The following PRSS12 variants were observed in gnomAD, a reference collection of about 807,000 sequenced individuals.
The protein encoded by PRSS12 is neurotrypsin.
Under a neutral mutation model 104.4 loss-of-function variants are expected in PRSS12, and 85 were observed. That is an observed-to-expected ratio of 0.81 (90% CI 0.68 to 0.98). The LOEUF (loss-of-function observed/expected upper bound fraction) is 0.98, where lower values mean the gene tolerates loss of function less well. Among genes scored for constraint, PRSS12 ranks in the 50% least tolerant of loss-of-function variants. The pLI, the probability that PRSS12 is intolerant of heterozygous loss-of-function variation, is 0.00. For synonymous variants in PRSS12, 454 were observed against 425.2 expected (o/e 1.07, Z -0.83); for missense variants, 1,141 against 1,139.2 (o/e 1.00, Z -0.02).
intron 3 of PRSS12, 90 bp from the exon 4 acceptor site, chr4:118,331,956 A>C: frequency 2.0e-6 from 3 of 1,474,894 alleles, no homozygotes; most frequent in Non-Finnish European, 2.8e-6. Context: ...TGCCATTCTC[A>C]ATAATTAAAT....
At chr4:118,317,094 A>G (rs1723462814) in intron 5 of PRSS12, among the ~76,000 whole-genome samples, 1 of 151,940 alleles carries the variant, frequency 6.6e-6, no homozygotes, top group African/African-American at 2.4e-5. Flanking sequence ...TGACAGAAAA[A>G]AACTATTCTG....
At position 118,338,334 on chromosome 4, in the gene PRSS12, C is replaced by T; in HGVS notation, c.503-20G>A. 6.2e-7 allele frequency: 1 copy of T among 1,613,684 alleles called. No individual in the cohort carries two copies. Among genetic ancestry groups the T allele is most frequent in the Non-Finnish European group, 8.5e-7 (1 of 1,179,730 alleles). Reference sequence around the variant, plus strand: ...CTGATCCTAAAGTGGAAAAGAATCCCAAAACCCTTTAATAGTAAATAATCA... The same window carrying T: ...CTGATCCTAAAGTGGAAAAGAATCCTAAAACCCTTTAATAGTAAATAATCA... On this transcript the variant is annotated intron_variant, in intron 1 of 12. Coordinates refer to ENST00000296498, the MANE Select transcript of PRSS12 (RefSeq NM_003619.4).
At chr4:118,329,398 A>G (rs1221938583) in intron 4 of PRSS12, among the ~76,000 whole-genome samples, 1 of 152,220 alleles carries the variant, frequency 6.6e-6, no homozygotes, top group East Asian at 1.9e-4. Context: ...TGCTATTACT[A>G]TACCCTAAAA....
chr4:118,322,717 T>A (rs1431791126), intron 4 of PRSS12, among the ~76,000 whole-genome samples: 2 of 151,936 alleles, frequency 1.3e-5, no homozygotes, highest in Non-Finnish European at 2.9e-5. Context: ...CTAATATTGG[T>A]TGAAAGAAGA....
chr4:118,300,626 G>A (rs910501825), intron 8 of PRSS12, among the ~76,000 whole-genome samples: 9 of 151,952 alleles, frequency 5.9e-5, no homozygotes, highest in African/African-American at 1.9e-4. Flanking sequence ...TTAATAAAGT[G>A]GACATAGAGG....
intron 9 of PRSS12, among the ~76,000 whole-genome samples, chr4:118,297,626 G>A (rs540725572): frequency 2.2e-4 from 34 of 152,066 alleles, no homozygotes; most frequent in African/African-American, 7.7e-4. Flanking sequence ...TCATATTAAC[G>A]ACATCCAATT....
At chr4:118,341,823 G>A (rs1010719938) in intron 1 of PRSS12, among the ~76,000 whole-genome samples, 2 of 152,162 alleles carry the variant, frequency 1.3e-5, no homozygotes, top group African/African-American at 2.4e-5. Flanking sequence ...CCTGGTTACT[G>A]ACCTTCTACC....
intron 4 of PRSS12, among the ~76,000 whole-genome samples, chr4:118,322,916 GA>G (rs944901049): frequency 6.7e-6 from 1 of 150,072 alleles, no homozygotes; most frequent in African/African-American, 2.4e-5. Context: ...TAAACGCCAG[GA>G]AAAAAAAATC....
rs139654870 is a variant in PRSS12 at position 118,351,692 on chromosome 4, C to T, written c.502+527G>A. Among the ~76,000 whole-genome samples the T allele has an allele frequency of 2.6e-5, 4 of 152,170 alleles. No individual in the cohort carries two copies. The East Asian group carries it at 7.7e-4, about 29-fold the overall frequency. On this transcript the variant is annotated intron_variant, in intron 1 of 12. Transcript: ENST00000296498. ...GGCTGATTTTGGCCACATAATTTTG[C>T]CATACTTTTTAAAACAGAGGTCAAC...
At chr4:118,332,676 T>C (rs978153200) in intron 3 of PRSS12, among the ~76,000 whole-genome samples, 7 of 152,230 alleles carry the variant, frequency 4.6e-5, no homozygotes, top group African/African-American at 7.2e-5. Flanking sequence ...AGGACAGAAA[T>C]ACTGTGTTCC....
Position 118,352,975 on chromosome 4 carries a change from G to A in PRSS12, c.-255C>T. ...CAGCCGAGCCCCGGCCGGCGGAGAGGACCGGAAAAGAGAAGGCGCGGACGC... is the reference window on the plus strand; with the variant it reads ...CAGCCGAGCCCCGGCCGGCGGAGAGAACCGGAAAAGAGAAGGCGCGGACGC... On this transcript the variant is annotated 5_prime_UTR_variant, in exon 1 of 13. Coordinates refer to ENST00000296498, the MANE Select transcript of PRSS12 (RefSeq NM_003619.4). 1.1e-6 allele frequency: 1 copy of A among 945,088 alleles called. No homozygotes were observed. Among genetic ancestry groups the A allele is most frequent in the Non-Finnish European group, 1.4e-6 (1 of 696,440 alleles). The allele number at this position is 945,088 out of a possible 1,614,324, so 58.5% of individuals were successfully genotyped here.
chr4:118,331,962 T>G, intron 3 of PRSS12, 96 bp from the exon 4 acceptor site: 1 of 1,461,872 alleles, frequency 6.8e-7, no homozygotes. Flanking sequence ...TCTCAATAAT[T>G]AAATAATATT....
At chr4:118,321,125 T>C (rs1723605676) in intron 4 of PRSS12, among the ~76,000 whole-genome samples, 1 of 152,180 alleles carries the variant, frequency 6.6e-6, no homozygotes, top group Admixed American at 6.5e-5. Context: ...ATTGGAGTCC[T>C]AACACAAAGG....
At chr4:118,317,149 G>A (rs1343208480) in intron 5 of PRSS12, among the ~76,000 whole-genome samples, 1 of 152,030 alleles carries the variant, frequency 6.6e-6, no homozygotes, top group East Asian at 1.9e-4. Context: ...TATTTGTTAG[G>A]CATTCATGAA....
intron 3 of PRSS12, among the ~76,000 whole-genome samples, chr4:118,332,756 T>C (rs1317603772): frequency 6.6e-6 from 1 of 152,182 alleles, no homozygotes; most frequent in East Asian, 1.9e-4. Context: ...CTGCCTCAAC[T>C]GACAAGCAAT....
chr4:118,352,471 GC>G lies in PRSS12; in HGVS notation c.249del (p.His84ThrfsTer19). 7.2e-7 allele frequency: 1 copy of G among 1,390,582 alleles called. No individual in the cohort carries two copies. The highest frequency in any genetic ancestry group is 3.0e-5 in the East Asian group (1 of 33,188). The allele number at this position is 1,390,582 out of a possible 1,614,324, so 86.1% of individuals were successfully genotyped here. The part of the protein sequence containing the change: ...PAQRPHALQA[G>X]HTPRPHPWGC... The stretch of plus-strand genomic sequence containing the variant: ...CCCCAGGGGTGCGGCCGGGGCGTGT[GC>G]CCGGCCTGGAGGGCGTGCGGGCGCT... On this transcript the variant is annotated frameshift_variant, in exon 1 of 13. Transcript: ENST00000296498. LOFTEE classifies it high-confidence loss of function.
At chr4:118,296,226 T>A (rs1353357072) in intron 9 of PRSS12, among the ~76,000 whole-genome samples, 1 of 152,220 alleles carries the variant, frequency 6.6e-6, no homozygotes, top group Non-Finnish European at 1.5e-5. Flanking sequence ...AAGGCAGTAA[T>A]GGCCTAAATT....
At chr4:118,313,508 G>A (rs902986694) in intron 6 of PRSS12, 111 bp from the exon 7 acceptor site, 2 of 1,174,446 alleles carry the variant, frequency 1.7e-6, no homozygotes, top group Non-Finnish European at 2.5e-6. Flanking sequence ...CAGAGGATAA[G>A]TATCTGTTCT....
Position 118,321,108 on chromosome 4 carries a change from A to G in PRSS12, c.972-2552T>C, listed in dbSNP as rs1265843784. ...AGGAAAACATTTGGAATTCTAACAC[A>G]TATAATATTGGAGTCCTAACACAAA... is the stretch of plus-strand genomic sequence containing the variant. On this transcript the variant is annotated intron_variant, in intron 4 of 12. Transcript: ENST00000296498. Among the ~76,000 whole-genome samples, 6 of 152,194 alleles carry G rather than the reference A, an allele frequency of 3.9e-5. No homozygotes were observed. In the East Asian group the frequency reaches 1.2e-3, roughly 29 times the overall value.
Sources: gnomAD v4.1 joint callset for allele counts (sites outside exome capture counted in the v4.1 genomes callset) on GRCh38, gnomAD v4.1.1 for gene constraint, MANE v1.5 for transcripts, NCBI Gene and HGNC (gene_info 2026-07-23, HGNC 2026-07-21) for gene names.